DARS1: variants seen among roughly 807,000 people sequenced by gnomAD.
DARS1 encodes aspartate--tRNA ligase, cytoplasmic.
A neutral mutation model predicts 68.8 loss-of-function variants in DARS1; 51 were observed. The ratio of observed to expected loss-of-function variants is 0.74; its 90% CI spans 0.59 to 0.94. The LOEUF (loss-of-function observed/expected upper bound fraction) is 0.94, where lower values mean the gene tolerates loss of function less well. Ranked by LOEUF, DARS1 falls within the 40% of genes least tolerant of loss-of-function variation. The probability of loss-of-function intolerance (pLI) is 0.00; values close to 1 mark genes in which losing one functional copy is unlikely to be tolerated. For synonymous variants in DARS1, 203 were observed against 190.4 expected, an observed-to-expected ratio of 1.07 and a Z score of -0.55; for missense variants, 607 against 597.3, an observed-to-expected ratio of 1.02 and a Z score of -0.17.
At chr2:135,911,924 T>C (rs191528406) in intron 13 of DARS1, among the ~76,000 whole-genome samples, 198 of 152,278 alleles carry the variant, frequency 1.3e-3, no homozygotes, top group African/African-American at 4.5e-3. Flanking sequence ...CCTGGACCAG[T>C]AGCTTCAGTA....
At chr2:135,932,513 C>T (rs911234374) in intron 7 of DARS1, among the ~76,000 whole-genome samples, 1 of 152,130 alleles carries the variant, frequency 6.6e-6, no homozygotes, top group Non-Finnish European at 1.5e-5. Context: ...AAAGATATCA[C>T]CTGGAAGCAA....
chr2:135,965,319 ATAAAT>A (rs1039928328), intron 3 of DARS1, among the ~76,000 whole-genome samples: 1 of 152,212 alleles, frequency 6.6e-6, no homozygotes, highest in Non-Finnish European at 1.5e-5. Context: ...TATAACCTAT[ATAAAT>A]TAATCTTTTT....
At chr2:135,924,545 T>C (rs758347133) in intron 7 of DARS1, 47 bp from the exon 8 acceptor site, 1 of 1,579,222 alleles carries the variant, frequency 6.3e-7, no homozygotes, top group South Asian at 1.2e-5. Context: ...ACTTAATTAC[T>C]AAGCACTAAC....
chr2:135,974,223 C>T (rs902360161), intron 3 of DARS1, among the ~76,000 whole-genome samples: 1 of 152,192 alleles, frequency 6.6e-6, no homozygotes, highest in African/African-American at 2.4e-5. Flanking sequence ...CTGGATGACG[C>T]AAATACTCTG....
At chr2:135,919,410 C>T (rs1221604810) in intron 10 of DARS1, among the ~76,000 whole-genome samples, 4 of 152,116 alleles carry the variant, frequency 2.6e-5, no homozygotes, top group African/African-American at 7.2e-5. Flanking sequence ...TTTTAAAATA[C>T]CAATGAAACA....
intron 7 of DARS1, among the ~76,000 whole-genome samples, chr2:135,930,120 C>T (rs1032957988): frequency 1.3e-5 from 2 of 152,106 alleles, no homozygotes; most frequent in Non-Finnish European, 2.9e-5. Context: ...GAAACCACAC[C>T]ATAATAGCAG....
chr2:135,914,527 G>T lies in DARS1; in HGVS notation c.1107-16C>A, dbSNP rs1394156682. On this transcript the variant is annotated splice_polypyrimidine_tract_variant and intron_variant, in intron 11 of 15. Transcript: ENST00000264161. Reference sequence around the variant, plus strand: ...ATTTGGTGTGCTGAAAAAGAAACGTGAAATCAGTGTTTGAAGATCAAATGG... The same window carrying T: ...ATTTGGTGTGCTGAAAAAGAAACGTTAAATCAGTGTTTGAAGATCAAATGG... The T allele has an allele frequency of 2.9e-6, 4 of 1,369,350 alleles. No individual in the cohort carries two copies. In the Admixed American group the frequency reaches 6.7e-5, roughly 23 times the overall value. 84.8% of individuals were successfully genotyped at this position (1,369,350 alleles called of 1,614,324 possible). A position where few individuals can be genotyped will look rare whatever the true frequency, so the allele number is the denominator to read the frequency against.
At chr2:135,985,318 A>G in intron 1 of DARS1, 85 bp downstream of exon 1, 1 of 1,527,122 alleles carries the variant, frequency 6.5e-7, no homozygotes, top group Admixed American at 2.0e-5. Flanking sequence ...AAGGACCTGT[A>G]GGGCCCCACT....
At chr2:135,935,566 C>A (rs1457133075) in intron 5 of DARS1, among the ~76,000 whole-genome samples, 1 of 152,116 alleles carries the variant, frequency 6.6e-6, no homozygotes, top group Non-Finnish European at 1.5e-5. Flanking sequence ...CGCCGCTGCA[C>A]TCCAGCCTGG....
chr2:135,968,187 C>T (rs1682280740), intron 3 of DARS1, among the ~76,000 whole-genome samples: 1 of 152,092 alleles, frequency 6.6e-6, no homozygotes, highest in Non-Finnish European at 1.5e-5. Flanking sequence ...TCACTTGAAC[C>T]CGGCAGGTGG....
At chr2:135,940,058 C>A (rs556218996) in intron 5 of DARS1, among the ~76,000 whole-genome samples, 2 of 152,308 alleles carry the variant, frequency 1.3e-5, no homozygotes, top group South Asian at 2.1e-4. Context: ...GACGGATTCA[C>A]AACTGAATTC....
chr2:135,952,727 T>C (rs1204163422), intron 4 of DARS1, among the ~76,000 whole-genome samples: 3 of 152,230 alleles, frequency 2.0e-5, no homozygotes, highest in South Asian at 2.1e-4. Context: ...TATGGCTGAA[T>C]AGTATTCCAG....
intron 3 of DARS1, among the ~76,000 whole-genome samples, chr2:135,964,223 A>G (rs13399128): frequency 0.023 from 3,566 of 152,258 alleles, 116 homozygotes; most frequent in African/African-American, 0.08. Context: ...TCATATGGGG[A>G]AAAAAACCAC....
chr2:135,943,170 C>G lies in DARS1; in HGVS notation c.423+208G>C, dbSNP rs999311986. 4.7e-6 allele frequency: 3 copies of G among 635,374 alleles called. No individual in the cohort carries two copies. The African/African-American group carries it at 5.6e-5, about 12-fold the overall frequency. 39.4% of individuals were successfully genotyped at this position (635,374 alleles called of 1,614,324 possible). On this transcript the variant is annotated intron_variant, in intron 5 of 15. Coordinates refer to ENST00000264161, the MANE Select transcript of DARS1 (RefSeq NM_001349.4). ...GATGAGCCATCTCAGTTGGGTGCATCACAGAATTGTAAGCAAATAAATGTT... is the reference window on the plus strand; with the variant it reads ...GATGAGCCATCTCAGTTGGGTGCATGACAGAATTGTAAGCAAATAAATGTT...
rs554705781 is a variant in DARS1, at chr2:135,934,050, A to T, written c.424-60T>A. The stretch of plus-strand genomic sequence containing the variant: ...CACACAAAATCTGCATCTTTTTCTT[A>T]AAAAACAATCTACAGTTGACTTAAG... On this transcript the variant is annotated intron_variant, in intron 5 of 15. Transcript: ENST00000264161. 819 of 1,577,144 alleles carry T rather than the reference A, an allele frequency of 5.2e-4. 2 individuals are homozygous for T. The highest frequency in any genetic ancestry group is 2.6e-3 in the Admixed American group (149 of 56,924).
chr2:135,985,583 C>T lies in DARS1; in HGVS notation c.-115G>A. The T allele has an allele frequency of 6.4e-7, 1 of 1,564,874 alleles. No individual in the cohort carries two copies. The highest frequency in any genetic ancestry group is 8.7e-7 in the Non-Finnish European group (1 of 1,152,914). On this transcript the variant is annotated 5_prime_UTR_variant, in exon 1 of 16. Transcript: ENST00000264161. ...CGCCCTCCCGACCCTGGGGTCTCAG[C>T]ACACGCGCTCGGACTCCGCGTGGAG...
chr2:135,935,809 C>T (rs1681457294), intron 5 of DARS1, among the ~76,000 whole-genome samples: 1 of 152,024 alleles, frequency 6.6e-6, no homozygotes, highest in South Asian at 2.1e-4. Flanking sequence ...GGGAAAAATA[C>T]CTTATTTAGT....
intron 5 of DARS1, among the ~76,000 whole-genome samples, chr2:135,940,534 C>CA (rs2104816571): frequency 6.6e-6 from 1 of 152,210 alleles, no homozygotes; most frequent in East Asian, 1.9e-4. Context: ...CTATCTATGA[C>CA]AAACCCACAG....
intron 10 of DARS1, among the ~76,000 whole-genome samples, chr2:135,919,685 T>C (rs1681076093): frequency 6.6e-6 from 1 of 152,230 alleles, no homozygotes; most frequent in African/African-American, 2.4e-5. Flanking sequence ...GAAGAGCTCT[T>C]TGCCAGTTTA....
Sources: gnomAD v4.1 joint callset for allele counts (sites outside exome capture counted in the v4.1 genomes callset) on GRCh38, gnomAD v4.1.1 for gene constraint, MANE v1.5 for transcripts, NCBI Gene and HGNC (gene_info 2026-07-23, HGNC 2026-07-21) for gene names.